The following SYNE1 variants were observed in gnomAD, a reference collection of about 807,000 sequenced individuals.
SYNE1 encodes the protein nesprin-1.
A neutral mutation model predicts 1,111.0 loss-of-function variants in SYNE1; 616 were observed. That is an observed-to-expected ratio of 0.55 (90% confidence interval 0.52 to 0.59). SYNE1 has a LOEUF of 0.59. SYNE1 is among the 20% of genes least tolerant of loss of function. SYNE1 has a pLI of 0.00. For missense variants in SYNE1, 10,006 were observed against 10,417.0 expected (o/e 0.96, Z 1.72); for synonymous variants, 3,855 against 3,825.8 (o/e 1.01, Z -0.28).
intron 64 of SYNE1, among the ~76,000 whole-genome samples, chr6:152,359,668 C>T (rs1008113590): frequency 1.1e-4 from 16 of 149,396 alleles, no homozygotes; most frequent in African/African-American, 3.8e-4. Flanking sequence ...TATGTCTGGT[C>T]CAGAACTTTC....
intron 145 of SYNE1, chr6:152,128,968 T>C (rs995616315): frequency 3.3e-5 from 5 of 152,226 alleles, no homozygotes; most frequent in Non-Finnish European, 7.3e-5. Flanking sequence ...CAGGTGAAGA[T>C]TATTTATGTT....
chr6:152,453,784 T>C, intron 24 of SYNE1, 64 bp from the exon 25 acceptor site: 1 of 1,606,036 alleles, frequency 6.2e-7, no homozygotes, highest in Admixed American at 1.7e-5. Context: ...CCAGGCACAA[T>C]CAGCCTCTAA....
chr6:152,358,592 C>T (rs529250480), intron 65 of SYNE1, 55 bp from the exon 66 acceptor site: 1 of 1,576,074 alleles, frequency 6.3e-7, no homozygotes, highest in Non-Finnish European at 8.7e-7. Flanking sequence ...TATAAAGCAT[C>T]AGTGTGCTGT....
intron 8 of SYNE1, 53 bp downstream of exon 8, chr6:152,510,140 C>T (rs1156733410): frequency 8.3e-6 from 13 of 1,566,126 alleles, no homozygotes; most frequent in Non-Finnish European, 9.7e-6. Flanking sequence ...CAATTAGTAA[C>T]ATTCATAACT....
chr6:152,165,642 T>C (rs1001366788), intron 130 of SYNE1, among the ~76,000 whole-genome samples: 4 of 152,240 alleles, frequency 2.6e-5, no homozygotes, highest in Non-Finnish European at 5.9e-5. Context: ...CAATGTTTAT[T>C]GTGACTTACA....
chr6:152,172,111 G>T (rs1023394527), intron 130 of SYNE1, among the ~76,000 whole-genome samples: 1 of 152,138 alleles, frequency 6.6e-6, no homozygotes, highest in African/African-American at 2.4e-5. Context: ...GAACTATTCA[G>T]AACAGGTAAA....
chr6:152,201,618 T>C (rs1007895320), intron 127 of SYNE1, among the ~76,000 whole-genome samples: 8 of 152,180 alleles, frequency 5.3e-5, no homozygotes, highest in Non-Finnish European at 1.0e-4. Context: ...TTTGCTTCCT[T>C]GGAGTAATCC....
intron 25 of SYNE1, among the ~76,000 whole-genome samples, chr6:152,452,837 A>G (rs1294655526): frequency 6.6e-6 from 1 of 152,154 alleles, no homozygotes; most frequent in African/African-American, 2.4e-5. Context: ...GTCAGACGGA[A>G]GCCCGCGGGC....
At chr6:152,537,021 A>C (rs2099246633) in intron 4 of SYNE1, among the ~76,000 whole-genome samples, 1 of 152,158 alleles carries the variant, frequency 6.6e-6, no homozygotes, top group African/African-American at 2.4e-5. Context: ...TGACTTTGAA[A>C]AACCATCACT....
chr6:152,503,791 C>CT (rs112031116), intron 9 of SYNE1, among the ~76,000 whole-genome samples: 2 of 151,858 alleles, frequency 1.3e-5, no homozygotes, highest in African/African-American at 2.4e-5. Context: ...TTGAGTAAAA[C>CT]TTTTTTTTCA....
At position 152,437,742 on chromosome 6, in the gene SYNE1, C is replaced by T. The variant is rs367812640; in HGVS notation, c.4150-1641G>A. On this transcript the variant is annotated intron_variant, in intron 32 of 145. Coordinates refer to ENST00000367255, the MANE Select transcript of SYNE1 (RefSeq NM_182961.4). The stretch of plus-strand genomic sequence containing the variant: ...CTCACTTCTTCTCATGTAAGAGAAT[C>T]TCACAGGAGGTTTAAATTTTGATCA... Among the ~76,000 whole-genome samples, 9 of 152,208 alleles carry T rather than the reference C, an allele frequency of 5.9e-5. No homozygotes were observed. In the East Asian group the frequency reaches 1.5e-3, roughly 26 times the overall value.
At chr6:152,243,293 C>T (rs577350394) in intron 106 of SYNE1, among the ~76,000 whole-genome samples, 2 of 152,240 alleles carry the variant, frequency 1.3e-5, no homozygotes, top group Admixed American at 6.5e-5. Flanking sequence ...GGGACTACCC[C>T]TCAAACAAAG....
chr6:152,441,081 T>C (rs760152503), intron 32 of SYNE1, 49 bp downstream of exon 32: 1 of 1,607,258 alleles, frequency 6.2e-7, no homozygotes, highest in Non-Finnish European at 8.5e-7. Flanking sequence ...ATTTTGTTTG[T>C]TTTGCTTTGT....
chr6:152,604,954 A>G (rs1389394055), intron 3 of SYNE1, among the ~76,000 whole-genome samples: 1 of 15,098 alleles, frequency 6.6e-5, no homozygotes, highest in African/African-American at 2.3e-4. Flanking sequence ...CAAAGAAAGA[A>G]AGAAAGAAAG....
At chr6:152,567,580 A>T (rs1018179684) in intron 3 of SYNE1, among the ~76,000 whole-genome samples, 3 of 152,198 alleles carry the variant, frequency 2.0e-5, no homozygotes, top group Non-Finnish European at 1.5e-5. Flanking sequence ...AGAAGAACAG[A>T]GTATTTTTTC....
intron 112 of SYNE1, among the ~76,000 whole-genome samples, chr6:152,233,238 A>G (rs1360284898): frequency 6.6e-6 from 1 of 152,220 alleles, no homozygotes. Context: ...AAAGCCAGAC[A>G]AACATTCCAA....
chr6:152,604,674 T>A (rs2099606664), intron 3 of SYNE1, among the ~76,000 whole-genome samples: 2 of 151,786 alleles, frequency 1.3e-5, no homozygotes, highest in Non-Finnish European at 2.9e-5. Context: ...GCACGGTGGC[T>A]CATGCCTATA....
intron 130 of SYNE1, among the ~76,000 whole-genome samples, chr6:152,169,406 C>G (rs2064532709): frequency 6.6e-6 from 1 of 151,190 alleles, no homozygotes; most frequent in African/African-American, 2.4e-5. Context: ...ACTAAAAATA[C>G]AAAAAATTAG....
At chr6:152,342,939 A>G (rs1345978681) in intron 74 of SYNE1, among the ~76,000 whole-genome samples, 1 of 152,190 alleles carries the variant, frequency 6.6e-6, no homozygotes, top group Non-Finnish European at 1.5e-5. Context: ...AGCTAGTATT[A>G]CTTTTCTGTT....
Sources: allele counts gnomAD v4.1 joint callset (sites outside exome capture counted in the v4.1 genomes callset), GRCh38; gene constraint gnomAD v4.1.1; transcripts MANE v1.5; gene names NCBI Gene and HGNC (gene_info 2026-07-23, HGNC 2026-07-21).